The following DDX10 variants were observed in gnomAD, a reference collection of about 807,000 sequenced individuals.
The protein encoded by DDX10 is probable ATP-dependent RNA helicase DDX10.
DDX10 carries 74 observed loss-of-function variants against 104.3 expected under a neutral mutation model. The observed-to-expected ratio is 0.71, with a 90% CI of 0.59 to 0.86. The LOEUF is 0.86. Ranked by LOEUF, DDX10 falls within the 40% of genes least tolerant of loss-of-function variation. DDX10 has a pLI of 0.00. For synonymous variants in DDX10, 351 were observed against 353.4 expected (o/e 0.99, Z 0.08); for missense variants, 952 against 1,040.0 (o/e 0.92, Z 1.16).
At position 108,746,919 on chromosome 11, in the gene DDX10, G is replaced by T. The variant is rs988959561; in HGVS notation, c.1965+23457G>T. Among the ~76,000 whole-genome samples the T allele has an allele frequency of 2.0e-5, 3 of 152,092 alleles. No homozygotes were observed. In the South Asian group the frequency reaches 6.2e-4, roughly 32 times the overall value. On this transcript the variant is annotated intron_variant, in intron 13 of 17. Transcript: ENST00000322536. ...TAGAAATGTTTTGGGGGAAGGTAAC[G>T]CAAGGGGCTATGAGGATAAGACTTG...
At chr11:108,818,959 A>G (rs896765649) in intron 13 of DDX10, among the ~76,000 whole-genome samples, 4 of 152,080 alleles carry the variant, frequency 2.6e-5, no homozygotes, top group South Asian at 2.1e-4. Context: ...TAATTATTCT[A>G]TTTTCCTAAC....
chr11:108,904,373 A>G (rs910052922), intron 16 of DDX10, among the ~76,000 whole-genome samples: 5 of 152,170 alleles, frequency 3.3e-5, no homozygotes, highest in Non-Finnish European at 7.4e-5. Context: ...ATTTGTAGGA[A>G]TGTTTTCCCC....
In DDX10 at chr11:108,940,826, T is replaced by A. The variant is rs536541851; in HGVS notation, c.*403T>A. ...GTTAAAATTGCTCATGATTTCGACG[T>A]ATTTAATATTTTCAAAGAGACTATG... On this transcript the variant is annotated 3_prime_UTR_variant, in exon 18 of 18. Transcript: ENST00000322536. 9.9e-5 allele frequency: 22 copies of A among 223,054 alleles called. No homozygotes were observed. Among genetic ancestry groups the A allele is most frequent in the Non-Finnish European group, 2.0e-4 (22 of 111,860 alleles). 13.8% of individuals were successfully genotyped at this position (223,054 alleles called of 1,614,324 possible). A position where few individuals can be genotyped will look rare whatever the true frequency, so the allele number is the denominator to read the frequency against.
intron 16 of DDX10, among the ~76,000 whole-genome samples, chr11:108,862,062 A>G (rs1862948957): frequency 1.3e-5 from 2 of 152,152 alleles, no homozygotes; most frequent in African/African-American, 2.4e-5. Flanking sequence ...TCTGTTGCCC[A>G]GGTTGTGGTG....
At chr11:108,837,435 G>A (rs1862570007) in intron 13 of DDX10, among the ~76,000 whole-genome samples, 1 of 151,984 alleles carries the variant, frequency 6.6e-6, no homozygotes, top group African/African-American at 2.4e-5. Flanking sequence ...AGCAGGTTAT[G>A]CTATGACCTC....
rs1333341161 is a variant in DDX10, at chr11:108,789,317, A to G, written c.1966-49129A>G. Reference sequence around the variant, plus strand: ...GGACAAGTAGGAGATGTCGTCACCTATTTGTTTCATTTTGGTTTTTGGAAA... The same window carrying G: ...GGACAAGTAGGAGATGTCGTCACCTGTTTGTTTCATTTTGGTTTTTGGAAA... On this transcript the variant is annotated intron_variant, in intron 13 of 17. Transcript: ENST00000322536. Among the ~76,000 whole-genome samples, 6 of 152,246 alleles carry G rather than the reference A, an allele frequency of 3.9e-5. No individual in the cohort carries two copies. The South Asian group carries it at 1.2e-3, about 32-fold the overall frequency.
chr11:108,854,047 G>T lies in DDX10; in HGVS notation c.2304+1838G>T, dbSNP rs578052042. Among the ~76,000 whole-genome samples, 13 of 152,292 alleles carry T rather than the reference G, an allele frequency of 8.5e-5. No individual in the cohort carries two copies. The South Asian group carries it at 2.7e-3, about 32-fold the overall frequency. On this transcript the variant is annotated intron_variant, in intron 16 of 17. Transcript: ENST00000322536. ...TTTGTAAGAGTGATATTACCAGAGG[G>T]ATCAGTGGCTGGTCTGCAGCCAGGA...
intron 15 of DDX10, among the ~76,000 whole-genome samples, chr11:108,849,508 T>A (rs773112551): frequency 6.6e-6 from 1 of 152,130 alleles, no homozygotes; most frequent in Non-Finnish European, 1.5e-5. Flanking sequence ...GCTAAGGACC[T>A]ATAGTGTGTG....
chr11:108,870,833 G>A (rs117478779), intron 16 of DDX10, among the ~76,000 whole-genome samples: 2,042 of 152,302 alleles, frequency 0.013, 26 homozygotes, highest in Admixed American at 0.028. Context: ...AATCACCAGT[G>A]CCTAGACCGA....
At chr11:108,840,892 C>T (rs186730244) in intron 14 of DDX10, among the ~76,000 whole-genome samples, 1 of 152,140 alleles carries the variant, frequency 6.6e-6, no homozygotes, top group Non-Finnish European at 1.5e-5. Flanking sequence ...GTGCAATGAA[C>T]TTTGTGTGAC....
intron 13 of DDX10, among the ~76,000 whole-genome samples, chr11:108,785,621 T>C (rs1861780329): frequency 6.6e-6 from 1 of 152,126 alleles, no homozygotes; most frequent in Non-Finnish European, 1.5e-5. Context: ...ATTCAATTTC[T>C]GAACTTGAAA....
In DDX10 at chr11:108,890,582, AG is replaced by A. The variant is rs1306227210; in HGVS notation, c.2305-27289del. Among the ~76,000 whole-genome samples the A allele has an allele frequency of 1.4e-4, 21 of 151,326 alleles. No homozygotes were observed. The East Asian group carries it at 3.7e-3, about 27-fold the overall frequency. On this transcript the variant is annotated intron_variant, in intron 16 of 17. Coordinates refer to ENST00000322536, the MANE Select transcript of DDX10 (RefSeq NM_004398.4). ...CAAATGCCACTTAAAAAAAAAAAAA[AG>A]GCCTCTACCCTGCATAGGGGTAGGT...
intron 13 of DDX10, among the ~76,000 whole-genome samples, chr11:108,728,563 A>T (rs2094308147): frequency 7.2e-6 from 1 of 139,468 alleles, no homozygotes; most frequent in South Asian, 2.2e-4. Flanking sequence ...CACACAGGCT[A>T]GAAGGCAGTG....
chr11:108,675,709 C>G lies in DDX10; in HGVS notation c.361C>G (p.Leu121Val). ...GAAKTGSGKT[L>V]AFLVPVLEAL... Reference sequence around the variant, plus strand: ...GGCCAAAACTGGATCTGGCAAGACTCTGGCTTTTCTTGTTCCAGTAAGTAC... The same window carrying G: ...GGCCAAAACTGGATCTGGCAAGACTGTGGCTTTTCTTGTTCCAGTAAGTAC... The change falls in exon 3 of 18, where the codon CTG (leucine) becomes GTG (valine). Residue 121 changes from leucine (L) to valine (V), a missense_variant. By Grantham distance (32) the Leu-to-Val change is conservative. This residue lies in a region of DDX10 where 412 missense variants were observed against 479.2 expected (regional missense o/e 0.86). Coordinates refer to ENST00000322536, the MANE Select transcript of DDX10 (RefSeq NM_004398.4). 6.2e-7 allele frequency: 1 copy of G among 1,614,166 alleles called. No homozygotes were observed. The highest frequency in any genetic ancestry group is 8.5e-7 in the Non-Finnish European group (1 of 1,180,022).
chr11:108,761,836 T>C (rs1282180535), intron 13 of DDX10, among the ~76,000 whole-genome samples: 2 of 152,078 alleles, frequency 1.3e-5, no homozygotes, highest in Non-Finnish European at 2.9e-5. Flanking sequence ...GTAGTGTACA[T>C]TATGTGGAAG....
chr11:108,666,790 C>A (rs544636379), intron 1 of DDX10, among the ~76,000 whole-genome samples: 1 of 152,292 alleles, frequency 6.6e-6, no homozygotes, highest in East Asian at 1.9e-4. Flanking sequence ...GATAATCACC[C>A]CATCCCAAGA....
chr11:108,868,572 T>C (rs1334890585), intron 16 of DDX10, among the ~76,000 whole-genome samples: 2 of 152,142 alleles, frequency 1.3e-5, no homozygotes, highest in African/African-American at 4.8e-5. Context: ...GATGGCTTCA[T>C]GATACACTGA....
chr11:108,839,302 A>C (rs544251424), intron 14 of DDX10, among the ~76,000 whole-genome samples: 2 of 152,242 alleles, frequency 1.3e-5, no homozygotes, highest in East Asian at 3.9e-4. Flanking sequence ...AGCACAGAGC[A>C]CCTTACCTCC....
Position 108,692,052 on chromosome 11 carries a change from C to G in DDX10, c.1138+14C>G. The G allele has an allele frequency of 5.7e-6, 9 of 1,571,978 alleles. No individual in the cohort carries two copies. The highest frequency in any genetic ancestry group is 7.8e-6 in the Non-Finnish European group (9 of 1,157,738). On this transcript the variant is annotated intron_variant, in intron 8 of 17. Transcript: ENST00000322536. Reference sequence around the variant, plus strand: ...CCAGGGGTCTGGGTAAGAAAACTTCCTATCATGAAATTTCTGTGATTGTGT... The same window carrying G: ...CCAGGGGTCTGGGTAAGAAAACTTCGTATCATGAAATTTCTGTGATTGTGT...
Sources: gnomAD v4.1 joint callset for allele counts (sites outside exome capture counted in the v4.1 genomes callset) on GRCh38, gnomAD v4.1.1 for gene constraint, gnomAD v4.1.1 regional missense constraint, MANE v1.5 for transcripts, NCBI Gene and HGNC (gene_info 2026-07-23, HGNC 2026-07-21) for gene names.